The following GRID2 variants were observed in gnomAD, a reference collection of about 807,000 sequenced individuals.
GRID2 encodes glutamate ionotropic receptor delta type subunit 2, also known as glutamate receptor ionotropic, delta-2.
In GRID2, 33 loss-of-function variants were observed where a neutral mutation model predicts 114.8. The ratio of observed to expected loss-of-function variants is 0.29; its 90% CI spans 0.22 to 0.38. The LOEUF is 0.38. GRID2 is among the 10% of genes least tolerant of loss of function. The pLI, the probability that GRID2 is intolerant of heterozygous loss-of-function variation, is 1.00. For missense variants in GRID2, 1,184 were observed against 1,257.7 expected (o/e 0.94, Z 0.89); for synonymous variants, 505 against 449.9 (o/e 1.12, Z -1.55).
chr4:93,583,358 AAAT>A (rs1456644537), intron 13 of GRID2, among the ~76,000 whole-genome samples: 1 of 152,156 alleles, frequency 6.6e-6, no homozygotes, highest in Non-Finnish European at 1.5e-5. Context: ...CTTAAAAAAT[AAAT>A]AACAGCAAAT....
chr4:93,452,992 A>G (rs1363055270), intron 10 of GRID2, among the ~76,000 whole-genome samples: 8 of 149,080 alleles, frequency 5.4e-5, no homozygotes, highest in Admixed American at 4.7e-4. Context: ...GCACCCAGTA[A>G]CTCGTCATTT....
At chr4:92,704,701 ATCTCTCTC>A (rs778705188) in intron 2 of GRID2, among the ~76,000 whole-genome samples, 7 of 113,666 alleles carry the variant, frequency 6.2e-5, no homozygotes, top group South Asian at 6.9e-4. Context: ...CAATCAATCA[ATCTCTCTC>A]TCTCTCTCTC....
At chr4:93,113,275 T>G (rs1376695085) in intron 4 of GRID2, among the ~76,000 whole-genome samples, 1 of 152,164 alleles carries the variant, frequency 6.6e-6, no homozygotes, top group Non-Finnish European at 1.5e-5. Context: ...AGCCTTTGAG[T>G]TGGTACTAAC....
At chr4:92,348,851 A>C (rs1727918537) in intron 1 of GRID2, among the ~76,000 whole-genome samples, 1 of 152,160 alleles carries the variant, frequency 6.6e-6, no homozygotes, top group Admixed American at 6.6e-5. Flanking sequence ...AGTAGAAAGA[A>C]ATTTAATAGC....
At chr4:93,733,932 A>T (rs1048033637) in intron 14 of GRID2, among the ~76,000 whole-genome samples, 2 of 152,030 alleles carry the variant, frequency 1.3e-5, no homozygotes, top group African/African-American at 4.8e-5. Context: ...TTACAATTTG[A>T]TTTTTACCTT....
Position 92,442,480 on chromosome 4 carries a change from G to T in GRID2, c.88+137736G>T, listed in dbSNP as rs537224798. ...AACGCCTGGCCGCTGCGGTTCAGGCGTTTGGAAGTTCTTGTGTGCTGGAGA... is the reference window on the plus strand; with the variant it reads ...AACGCCTGGCCGCTGCGGTTCAGGCTTTTGGAAGTTCTTGTGTGCTGGAGA... On this transcript the variant is annotated intron_variant, in intron 1 of 15. Coordinates refer to ENST00000282020, the MANE Select transcript of GRID2 (RefSeq NM_001510.4). Among the ~76,000 whole-genome samples the T allele has an allele frequency of 7.3e-4, 111 of 152,156 alleles. 1 individual carries two copies. The South Asian group carries it at 0.022, about 30-fold the overall frequency.
chr4:93,524,797 ATATATATATATATATATGTATG>A, intron 13 of GRID2, among the ~76,000 whole-genome samples: 1 of 84,788 alleles, frequency 1.2e-5, no homozygotes, highest in South Asian at 4.5e-4. Context: ...ATATATATAT[ATATATATATATATATATGTATG>A]TATGTATATA....
At chr4:92,576,977 A>G (rs552504890) in intron 1 of GRID2, among the ~76,000 whole-genome samples, 84 of 152,276 alleles carry the variant, frequency 5.5e-4, no homozygotes, top group African/African-American at 1.9e-3. Flanking sequence ...ACTTTCAAAT[A>G]TATGTCTGCA....
intron 8 of GRID2, among the ~76,000 whole-genome samples, chr4:93,307,223 A>T (rs561381013): frequency 8.9e-4 from 136 of 152,058 alleles, no homozygotes; most frequent in African/African-American, 2.8e-3. Flanking sequence ...AATAAAAAAA[A>T]AAAAAATAAG....
At chr4:93,149,317 T>G (rs939351309) in intron 4 of GRID2, among the ~76,000 whole-genome samples, 1 of 152,090 alleles carries the variant, frequency 6.6e-6, no homozygotes, top group Non-Finnish European at 1.5e-5. Flanking sequence ...CTGACGCCTA[T>G]AATCCCAGCA....
rs1210026041 is a variant in GRID2 at position 93,085,218 on chromosome 4, C to T, written c.468C>T (p.Ile156=). 6.2e-7 allele frequency: 1 copy of T among 1,613,314 alleles called. No individual in the cohort carries two copies. Among genetic ancestry groups the T allele is most frequent in the African/African-American group, 1.3e-5 (1 of 74,914 alleles). ...VRPPVYLHDV[I]LRVVTEYAWQ... ...CACCTGTCTACTTGCATGATGTTAT[C>T]CTAAGAGTGGTCACAGAGTATGCCT... The change falls in exon 3 of 16, where the codon ATC becomes ATT. Residue 156 remains isoleucine, a synonymous_variant. Coordinates refer to ENST00000282020, the MANE Select transcript of GRID2 (RefSeq NM_001510.4).
chr4:93,198,742 G>C (rs536852066), intron 4 of GRID2, among the ~76,000 whole-genome samples: 17 of 152,190 alleles, frequency 1.1e-4, no homozygotes, highest in African/African-American at 4.1e-4. Context: ...ACTGAGAAGA[G>C]GTCAAAAGGA....
chr4:92,505,959 A>T lies in GRID2; in HGVS notation c.89-84172A>T, dbSNP rs536067122. The stretch of plus-strand genomic sequence containing the variant: ...GCATTTATTATATTGAGCAATAAAG[A>T]TACTTCAATCAACATTAAATGAAAG... On this transcript the variant is annotated intron_variant, in intron 1 of 15. Coordinates refer to ENST00000282020, the MANE Select transcript of GRID2 (RefSeq NM_001510.4). 2.0e-5 allele frequency among the ~76,000 whole-genome samples: 3 copies of T among 152,156 alleles called. No individual in the cohort carries two copies. The East Asian group carries it at 5.8e-4, about 29-fold the overall frequency.
chr4:92,936,026 A>G (rs1750646462), intron 2 of GRID2, among the ~76,000 whole-genome samples: 1 of 146,654 alleles, frequency 6.8e-6, no homozygotes, highest in Non-Finnish European at 1.5e-5. Flanking sequence ...CCTAAAACTT[A>G]AAGTATAATA....
In GRID2 at chr4:93,530,248, C is replaced by T. The variant is rs141001068; in HGVS notation, c.2193+14837C>T. Among the ~76,000 whole-genome samples the T allele has an allele frequency of 3.9e-4, 59 of 152,300 alleles. 1 individual carries two copies. In the East Asian group the frequency reaches 0.011, roughly 27 times the overall value. Reference sequence around the variant, plus strand: ...GCACTGAAAGTGATCCATCTTTGCTCAAAAGCCTGTAAGTGTTCCACTTTA... The same window carrying T: ...GCACTGAAAGTGATCCATCTTTGCTTAAAAGCCTGTAAGTGTTCCACTTTA... On this transcript the variant is annotated intron_variant, in intron 13 of 15. Transcript: ENST00000282020.
At chr4:93,007,041 G>A (rs533984936) in intron 2 of GRID2, among the ~76,000 whole-genome samples, 9 of 151,940 alleles carry the variant, frequency 5.9e-5, no homozygotes, top group Non-Finnish European at 1.2e-4. Context: ...AGCATACAAA[G>A]ATGTGAAATG....
chr4:93,006,686 A>G (rs1017398996), intron 2 of GRID2, among the ~76,000 whole-genome samples: 1 of 152,024 alleles, frequency 6.6e-6, no homozygotes, highest in African/African-American at 2.4e-5. Context: ...TTCATTAACT[A>G]CACAAGACAA....
At chr4:93,329,364 C>G (rs1242856729) in intron 8 of GRID2, among the ~76,000 whole-genome samples, 1 of 152,112 alleles carries the variant, frequency 6.6e-6, no homozygotes, top group Non-Finnish European at 1.5e-5. Context: ...ATGCTCCCTT[C>G]ATTGCATGCT....
chr4:93,277,942 A>C (rs1007963026), intron 8 of GRID2, among the ~76,000 whole-genome samples: 2 of 152,054 alleles, frequency 1.3e-5, no homozygotes, highest in Non-Finnish European at 2.9e-5. Flanking sequence ...TAAAGACACT[A>C]TAAGACACAA....
Sources: gnomAD v4.1 joint callset for allele counts (sites outside exome capture counted in the v4.1 genomes callset) on GRCh38, gnomAD v4.1.1 for gene constraint, MANE v1.5 for transcripts, NCBI Gene and HGNC (gene_info 2026-07-23, HGNC 2026-07-21) for gene names.